Variants in CCSER1 observed in about 807,000 individuals in gnomAD.
CCSER1 encodes the protein serine-rich coiled-coil domain-containing protein 1.
Under a neutral mutation model 82.0 loss-of-function variants are expected in CCSER1, and 41 were observed. That is an observed-to-expected ratio of 0.50 (90% CI 0.39 to 0.65). The LOEUF is 0.65. Among genes scored for constraint, CCSER1 ranks in the 30% least tolerant of loss-of-function variants. CCSER1 has a pLI of 0.00. For synonymous variants in CCSER1, 414 were observed against 383.9 expected, an observed-to-expected ratio of 1.08 and a Z score of -0.92; for missense variants, 1,119 against 1,064.2, an observed-to-expected ratio of 1.05 and a Z score of -0.72.
intron 10 of CCSER1, among the ~76,000 whole-genome samples, chr4:91,571,801 C>T (rs938034098): frequency 1.3e-5 from 2 of 152,030 alleles, no homozygotes; most frequent in African/African-American, 4.8e-5. Context: ...GATGGAGGGT[C>T]TGTGTTGTGG....
At chr4:90,254,463 GTATT>G (rs975730629) in intron 1 of CCSER1, among the ~76,000 whole-genome samples, 2 of 152,180 alleles carry the variant, frequency 1.3e-5, no homozygotes, top group African/African-American at 4.8e-5. Flanking sequence ...TCAGGGCTCA[GTATT>G]ATCAGCCAGC....
chr4:90,434,082 T>G (rs180863171), intron 4 of CCSER1, among the ~76,000 whole-genome samples: 1 of 152,200 alleles, frequency 6.6e-6, no homozygotes, highest in African/African-American at 2.4e-5. Context: ...TTGTTTCTCT[T>G]TGTCAGTTTT....
chr4:91,037,836 G>T (rs1741586899), intron 9 of CCSER1, among the ~76,000 whole-genome samples: 1 of 151,690 alleles, frequency 6.6e-6, no homozygotes, highest in South Asian at 2.1e-4. Context: ...TAGGAAAATG[G>T]AAATTTTAGA....
At chr4:91,200,210 A>G (rs1735797004) in intron 10 of CCSER1, among the ~76,000 whole-genome samples, 1 of 152,068 alleles carries the variant, frequency 6.6e-6, no homozygotes, top group East Asian at 1.9e-4. Context: ...TTAAATTTTC[A>G]AAAGAAAGAT....
At chr4:90,907,154 C>T (rs1305123582) in intron 8 of CCSER1, among the ~76,000 whole-genome samples, 3 of 152,128 alleles carry the variant, frequency 2.0e-5, no homozygotes, top group Non-Finnish European at 2.9e-5. Flanking sequence ...AGCCTATAAA[C>T]TTATGCCTAG....
intron 7 of CCSER1, among the ~76,000 whole-genome samples, chr4:90,728,451 G>A (rs191103865): frequency 3.9e-5 from 6 of 152,106 alleles, no homozygotes; most frequent in Admixed American, 1.3e-4. Context: ...TTCTTCTGCC[G>A]TGACATGAAC....
chr4:90,360,402 T>C (rs35888528), intron 3 of CCSER1, among the ~76,000 whole-genome samples: 100,474 of 148,152 alleles, frequency 0.68, 36,032 homozygotes, highest in African/African-American at 0.92. Context: ...TGGTGGTGGG[T>C]GCCTGTAGTC....
chr4:90,666,183 C>T (rs936935625), intron 6 of CCSER1, among the ~76,000 whole-genome samples: 3 of 151,990 alleles, frequency 2.0e-5, no homozygotes, highest in East Asian at 1.9e-4. Flanking sequence ...AAACTTTGCT[C>T]TTCAAAGTTT....
chr4:91,247,593 G>A (rs1210657248), intron 10 of CCSER1, among the ~76,000 whole-genome samples: 1 of 152,206 alleles, frequency 6.6e-6, no homozygotes, highest in Non-Finnish European at 1.5e-5. Flanking sequence ...CCAGGGCCGG[G>A]CATGGTGGCT....
intron 10 of CCSER1, among the ~76,000 whole-genome samples, chr4:91,548,874 A>G (rs1361437275): frequency 6.6e-6 from 1 of 152,006 alleles, no homozygotes. Context: ...GTATTCTCTA[A>G]GATTCCTGGA....
At chr4:91,526,493 C>T (rs986970655) in intron 10 of CCSER1, among the ~76,000 whole-genome samples, 1 of 152,198 alleles carries the variant, frequency 6.6e-6, no homozygotes, top group African/African-American at 2.4e-5. Context: ...ATGAATAAAT[C>T]TCTGGCTCAG....
rs1453586261 is a variant in CCSER1, at chr4:90,423,528, C to T, written c.1603+23399C>T. ...TGTGAGCCACCGCTTCTGGCTCCAC[C>T]AGGTGATTCATTTTCTTTTTTTATT... On this transcript the variant is annotated intron_variant, in intron 4 of 10. Coordinates refer to ENST00000509176, the MANE Select transcript of CCSER1 (RefSeq NM_001145065.2). Among the ~76,000 whole-genome samples the T allele has an allele frequency of 4.0e-5, 6 of 151,602 alleles. No homozygotes were observed. In the South Asian group the frequency reaches 6.3e-4, roughly 16 times the overall value.
chr4:90,528,399 C>G (rs1057263996), intron 5 of CCSER1, among the ~76,000 whole-genome samples: 12 of 152,118 alleles, frequency 7.9e-5, no homozygotes, highest in Admixed American at 6.6e-4. Context: ...TACCTAAAGT[C>G]TAAATAAAAC....
intron 7 of CCSER1, among the ~76,000 whole-genome samples, chr4:90,783,904 C>G (rs1247405181): frequency 6.6e-6 from 1 of 151,956 alleles, no homozygotes; most frequent in African/African-American, 2.4e-5. Context: ...AACACCACAT[C>G]AACAGGACTC....
chr4:91,497,466 T>TAA (rs1758985851), intron 10 of CCSER1, among the ~76,000 whole-genome samples: 1 of 151,734 alleles, frequency 6.6e-6, no homozygotes, highest in Admixed American at 6.6e-5. Flanking sequence ...AAAACAAAAA[T>TAA]TCCTGTGATA....
chr4:91,441,549 G>A (rs1755150435), intron 10 of CCSER1, among the ~76,000 whole-genome samples: 1 of 152,132 alleles, frequency 6.6e-6, no homozygotes, highest in South Asian at 2.1e-4. Context: ...CATTCCCTTT[G>A]AAAACTGGCA....
Position 90,874,570 on chromosome 4 carries a change from C to T in CCSER1, c.2095-48800C>T, listed in dbSNP as rs1400667563. On this transcript the variant is annotated intron_variant, in intron 8 of 10. Coordinates refer to ENST00000509176, the MANE Select transcript of CCSER1 (RefSeq NM_001145065.2). ...CCCTCCCAAGACCTTGAGAAAGTAA[C>T]GTAACATTCCTAAGTATCTATTTCT... Among the ~76,000 whole-genome samples the T allele has an allele frequency of 2.6e-5, 4 of 152,180 alleles. No homozygotes were observed. In the East Asian group the frequency reaches 7.7e-4, roughly 29 times the overall value.
At chr4:90,449,100 C>A (rs1368493664) in intron 4 of CCSER1, among the ~76,000 whole-genome samples, 1 of 152,208 alleles carries the variant, frequency 6.6e-6, no homozygotes, top group Non-Finnish European at 1.5e-5. Flanking sequence ...TCTCCACAGG[C>A]AGGTCACCCT....
intron 9 of CCSER1, among the ~76,000 whole-genome samples, chr4:91,057,995 T>C (rs1220893732): frequency 2.6e-5 from 4 of 152,164 alleles, no homozygotes; most frequent in Admixed American, 2.6e-4. Context: ...TTTTCTGCTT[T>C]ATGTCAAAAC....
Sources: allele counts gnomAD v4.1 joint callset (sites outside exome capture counted in the v4.1 genomes callset), GRCh38; gene constraint gnomAD v4.1.1; transcripts MANE v1.5; gene names NCBI Gene and HGNC (gene_info 2026-07-23, HGNC 2026-07-21).